RABGAP1: variants seen among roughly 807,000 people sequenced by gnomAD.
The protein encoded by RABGAP1 is RAB GTPase activating protein 1, also known as rab GTPase-activating protein 1.
In RABGAP1, 23 loss-of-function variants were observed where a neutral mutation model predicts 137.6. The ratio of observed to expected loss-of-function variants is 0.17; its 90% CI spans 0.12 to 0.24. RABGAP1 has a LOEUF of 0.24. RABGAP1 is among the 10% of genes least tolerant of loss of function. The pLI is 1.00. For synonymous variants in RABGAP1, 451 were observed against 450.7 expected (o/e 1.00, Z -0.01); for missense variants, 906 against 1,275.8 (o/e 0.71, Z 4.42).
chr9:122,951,128 G>A (rs1834221278), intron 1 of RABGAP1, among the ~76,000 whole-genome samples: 1 of 152,128 alleles, frequency 6.6e-6, no homozygotes, highest in African/African-American at 2.4e-5. Flanking sequence ...AAGTGGTAGA[G>A]GTGGAGGCAT....
intron 2 of RABGAP1, among the ~76,000 whole-genome samples, chr9:122,969,407 A>G (rs1354096855): frequency 6.6e-6 from 1 of 152,248 alleles, no homozygotes; most frequent in Admixed American, 6.5e-5. Flanking sequence ...ATTGAGGAAC[A>G]TGTTCTCCAA....
intron 14 of RABGAP1, among the ~76,000 whole-genome samples, chr9:123,069,754 C>T (rs2034293890): frequency 6.6e-6 from 1 of 151,988 alleles, no homozygotes; most frequent in Non-Finnish European, 1.5e-5. Flanking sequence ...CATGGTGGTG[C>T]AAGCCTGTGG....
chr9:122,962,141 A>C lies in RABGAP1; in HGVS notation c.150+4932A>C, dbSNP rs368896891. ...GAAGGGAATAGAGCTATGTTTGAAT[A>C]ATGTTTCTATTTCTCAGTGGAATTG... is the stretch of plus-strand genomic sequence containing the variant. On this transcript the variant is annotated intron_variant, in intron 2 of 25. Transcript: ENST00000373647. 1.2e-4 allele frequency among the ~76,000 whole-genome samples: 19 copies of C among 152,252 alleles called. No individual in the cohort carries two copies. The East Asian group carries it at 2.3e-3, about 19-fold the overall frequency.
chr9:123,020,463 A>AGG lies in RABGAP1; in HGVS notation c.1794+8_1794+9dup. On this transcript the variant is annotated splice_donor_region_variant and intron_variant, in intron 13 of 25. Coordinates refer to ENST00000373647, the MANE Select transcript of RABGAP1 (RefSeq NM_012197.4). ...ATACCGCATTCTTATCACAAAGGTA[A>AGG]GGGGGTGATAATTCAGCTTCAGCAT... 1 of 1,554,740 alleles carries AGG rather than the reference A, an allele frequency of 6.4e-7. No individual in the cohort carries two copies. Among genetic ancestry groups the AGG allele is most frequent in the African/African-American group, 1.4e-5 (1 of 73,696 alleles).
intron 6 of RABGAP1, among the ~76,000 whole-genome samples, chr9:122,995,566 A>AT (rs34683455): frequency 0.33 from 39,422 of 118,266 alleles, 11,284 homozygotes; most frequent in African/African-American, 0.71. Context: ...ATATCAAATG[A>AT]TTTTTTTTTT....
At chr9:123,080,967 C>G (rs1409293739) in intron 19 of RABGAP1, among the ~76,000 whole-genome samples, 3 of 152,118 alleles carry the variant, frequency 2.0e-5, no homozygotes, top group Non-Finnish European at 4.4e-5. Context: ...CCCCTTCTAC[C>G]TCTGCCTCCT....
At chr9:122,962,479 C>G (rs571416513) in intron 2 of RABGAP1, among the ~76,000 whole-genome samples, 1 of 151,622 alleles carries the variant, frequency 6.6e-6, no homozygotes, top group South Asian at 2.1e-4. Context: ...CATGGTCACA[C>G]CACTGCATTC....
the RABGAP1 span, among the ~76,000 whole-genome samples, chr9:122,932,335 C>T: frequency 6.6e-6 from 1 of 152,188 alleles, no homozygotes; most frequent in Non-Finnish European, 1.5e-5. Context: ...GATCCACCCT[C>T]CTCAGCCTCC....
chr9:122,963,294 G>A (rs1834950285), intron 2 of RABGAP1, among the ~76,000 whole-genome samples: 1 of 152,086 alleles, frequency 6.6e-6, no homozygotes, highest in East Asian at 1.9e-4. Context: ...AATAATGAAG[G>A]GGACAACTAG....
chr9:123,035,263 A>G (rs779010522), intron 13 of RABGAP1: 3 of 1,614,174 alleles, frequency 1.9e-6, no homozygotes, highest in Non-Finnish European at 2.5e-6. Context: ...AGCCCGCTTC[A>G]GCAGCCAGAG....
At chr9:122,984,801 A>G in intron 3 of RABGAP1, 82 bp downstream of exon 3, 1 of 1,265,552 alleles carries the variant, frequency 7.9e-7, no homozygotes, top group Non-Finnish European at 1.1e-6. Context: ...GGTTTTATTT[A>G]GAACAGGCAA....
intron 13 of RABGAP1, among the ~76,000 whole-genome samples, chr9:123,063,997 A>G (rs2034076977): frequency 6.6e-6 from 1 of 152,052 alleles, no homozygotes; most frequent in Non-Finnish European, 1.5e-5. Flanking sequence ...AATTCTAGCT[A>G]CCTTGCCCGC....
intron 1 of RABGAP1, among the ~76,000 whole-genome samples, chr9:122,949,761 A>C (rs2131597595): frequency 6.6e-6 from 1 of 152,098 alleles, no homozygotes; most frequent in African/African-American, 2.4e-5. Context: ...AAATGCTATA[A>C]TTCTGTGATG....
chr9:123,096,837 T>C (rs989502924), intron 21 of RABGAP1, among the ~76,000 whole-genome samples: 14 of 152,238 alleles, frequency 9.2e-5, no homozygotes, highest in Non-Finnish European at 1.5e-4. Flanking sequence ...CCCAAAGTGC[T>C]GGGATTACAG....
intron 20 of RABGAP1, 81 bp downstream of exon 20, chr9:123,089,931 G>A: frequency 8.0e-7 from 1 of 1,244,298 alleles, no homozygotes; most frequent in East Asian, 2.5e-5. Context: ...GCTTTATTGA[G>A]TCCTTTTTAA....
Position 122,973,223 on chromosome 9 carries a change from A to G in RABGAP1, c.151-11262A>G, listed in dbSNP as rs571131395. Among the ~76,000 whole-genome samples, 11 of 152,248 alleles carry G rather than the reference A, an allele frequency of 7.2e-5. No individual in the cohort carries two copies. In the South Asian group the frequency reaches 8.3e-4, roughly 11 times the overall value. On this transcript the variant is annotated intron_variant, in intron 2 of 25. Transcript: ENST00000373647. Reference sequence around the variant, plus strand: ...ATGCATTGATGAACTAGTGTTTCTTATGCAGAAAGATCAGTTACTTTTTTT... The same window carrying G: ...ATGCATTGATGAACTAGTGTTTCTTGTGCAGAAAGATCAGTTACTTTTTTT...
intron 14 of RABGAP1, among the ~76,000 whole-genome samples, chr9:123,067,852 G>A (rs766865424): frequency 1.2e-4 from 19 of 152,008 alleles, no homozygotes; most frequent in Non-Finnish European, 1.9e-4. Flanking sequence ...TTCCTTTATC[G>A]TCCATCAGCC....
intron 13 of RABGAP1, among the ~76,000 whole-genome samples, chr9:123,032,046 A>G (rs1356367695): frequency 6.6e-6 from 1 of 152,214 alleles, no homozygotes; most frequent in African/African-American, 2.4e-5. Context: ...TAGCTGTTGT[A>G]TGACCTAGAA....
intron 11 of RABGAP1, among the ~76,000 whole-genome samples, chr9:123,013,639 T>C (rs1262634287): frequency 6.6e-6 from 1 of 152,132 alleles, no homozygotes; most frequent in Non-Finnish European, 1.5e-5. Flanking sequence ...GGCCTAGCCT[T>C]TTCTCTTCTT....
Sources: allele counts gnomAD v4.1 joint callset (sites outside exome capture counted in the v4.1 genomes callset), GRCh38; gene constraint gnomAD v4.1.1; transcripts MANE v1.5; gene names NCBI Gene and HGNC (gene_info 2026-07-23, HGNC 2026-07-21).